The following HMCN1 variants were observed in gnomAD, a reference collection of about 807,000 sequenced individuals.
HMCN1 encodes the protein hemicentin-1.
Under a neutral mutation model 625.9 loss-of-function variants are expected in HMCN1, and 321 were observed. That is an observed-to-expected ratio of 0.51 (90% CI 0.47 to 0.56). HMCN1 has a LOEUF of 0.56. Ranked by LOEUF, HMCN1 falls within the 20% of genes least tolerant of loss-of-function variation. HMCN1 has a pLI of 0.00. For missense variants in HMCN1, 6,588 were observed against 6,887.3 expected (o/e 0.96, Z 1.54); for synonymous variants, 2,425 against 2,417.6 (o/e 1.00, Z -0.09).
chr1:185,807,098 A>G (rs78757991), intron 1 of HMCN1, among the ~76,000 whole-genome samples: 2,906 of 152,318 alleles, frequency 0.019, 92 homozygotes, highest in African/African-American at 0.067. Flanking sequence ...GTTGAAGATT[A>G]TAATATAAAA....
intron 1 of HMCN1, among the ~76,000 whole-genome samples, chr1:185,812,161 C>T (rs6657683): frequency 0.031 from 4,748 of 151,644 alleles, 226 homozygotes; most frequent in African/African-American, 0.1. Flanking sequence ...TTTTTTAGGG[C>T]AAGATATAAG....
chr1:186,015,126 G>C lies in HMCN1; in HGVS notation c.4631-33G>C, dbSNP rs202137001. The C allele has an allele frequency of 1.8e-4, 282 of 1,599,200 alleles. No homozygotes were observed. The African/African-American group carries it at 3.7e-3, about 21-fold the overall frequency. On this transcript the variant is annotated intron_variant, in intron 30 of 106. Coordinates refer to ENST00000271588, the MANE Select transcript of HMCN1 (RefSeq NM_031935.3). ...ATTTTGATGAAGATGCTGAAACTTA[G>C]ATGACTTGTTTTTGTTCTGAAATCC...
chr1:185,737,845 T>C (rs980632149), intron 1 of HMCN1, among the ~76,000 whole-genome samples: 1 of 152,180 alleles, frequency 6.6e-6, no homozygotes. Flanking sequence ...GAGCCCTGCA[T>C]TACAGTTTGG....
intron 52 of HMCN1, among the ~76,000 whole-genome samples, 166 bp downstream of exon 52, chr1:186,070,923 A>G (rs1380704984): frequency 2.0e-5 from 3 of 152,030 alleles, no homozygotes; most frequent in Non-Finnish European, 4.4e-5. Context: ...AACCCAACCA[A>G]CCTGAAGGAT....
Position 186,178,533 on chromosome 1 carries a change from G to A in HMCN1, c.16061G>A (p.Cys5354Tyr), listed in dbSNP as rs1652740725. The change falls in exon 104 of 107, where the codon TGC (cysteine) becomes TAC (tyrosine). Residue 5354 changes from cysteine (C) to tyrosine (Y), a missense_variant. Cys to Tyr is a radical substitution (Grantham distance 194, BLOSUM62 -2). Transcript: ENST00000271588. Reference sequence around the variant, plus strand: ...CATTTATTAGGGGACGGGAAATCTTGCGCTGGATTGGAGAGGCTGCCAAAT... The same window carrying A: ...CATTTATTAGGGGACGGGAAATCTTACGCTGGATTGGAGAGGCTGCCAAAT... ...GQHLLGDGKS[C>Y]AGLERLPNYG... is the part of the protein sequence containing the mutation. 1.2e-6 allele frequency: 2 copies of A among 1,613,964 alleles called. No homozygotes were observed. Among genetic ancestry groups the A allele is most frequent in the South Asian group, 1.1e-5 (1 of 91,090 alleles).
rs1192489223 is a variant in HMCN1, at chr1:186,003,830, G to C, written c.4461G>C (p.Trp1487Cys). The change falls in exon 29 of 107, where the codon TGG (tryptophan) becomes TGC (cysteine). Residue 1487 changes from tryptophan to cysteine, a missense_variant. Trp to Cys is a radical substitution (Grantham distance 215, BLOSUM62 -2). This residue lies in a region of HMCN1 where 4,628 missense variants were observed against 4,853.1 expected (regional missense o/e 0.95). Transcript: ENST00000271588. ...VKGTPFPDIH[W>C]FKDGKPLFLG... Reference sequence around the variant, plus strand: ...GCACTCCCTTTCCTGATATTCATTGGTTCAAAGATGGCAAGTGAGTATCTT... The same window carrying C: ...GCACTCCCTTTCCTGATATTCATTGCTTCAAAGATGGCAAGTGAGTATCTT... 6.2e-7 allele frequency: 1 copy of C among 1,613,144 alleles called. No homozygotes were observed. Among genetic ancestry groups the C allele is most frequent in the Non-Finnish European group, 8.5e-7 (1 of 1,179,394 alleles).
At chr1:186,004,000 A>G (rs1327228531) in intron 29 of HMCN1, among the ~76,000 whole-genome samples, 156 bp downstream of exon 29, 2 of 152,174 alleles carry the variant, frequency 1.3e-5, no homozygotes, top group African/African-American at 4.8e-5. Context: ...CTAGTCTGAA[A>G]GTCTTGTAAT....
intron 1 of HMCN1, among the ~76,000 whole-genome samples, chr1:185,810,397 A>C (rs1659437010): frequency 6.6e-6 from 1 of 152,326 alleles, no homozygotes; most frequent in Admixed American, 6.5e-5. Flanking sequence ...AATTCCACCC[A>C]ATAAAAAGAT....
In HMCN1 at chr1:185,986,441, G is replaced by A. The variant is rs965122500; in HGVS notation, c.2936-991G>A. 4.6e-5 allele frequency among the ~76,000 whole-genome samples: 7 copies of A among 152,186 alleles called. No individual in the cohort carries two copies. In the East Asian group the frequency reaches 7.7e-4, roughly 17 times the overall value. On this transcript the variant is annotated intron_variant, in intron 19 of 106. Transcript: ENST00000271588. ...GCCTGTTATAGATTGGGCTTTTATTGTCTTCTTCTCACTATGTTAGGAACT... is the reference window on the plus strand; with the variant it reads ...GCCTGTTATAGATTGGGCTTTTATTATCTTCTTCTCACTATGTTAGGAACT...
chr1:186,180,725 T>C (rs1652881756), intron 104 of HMCN1, among the ~76,000 whole-genome samples: 1 of 152,192 alleles, frequency 6.6e-6, no homozygotes, highest in Non-Finnish European at 1.5e-5. Context: ...TCTTGGAGAA[T>C]CTAAAGTAAA....
Position 186,153,865 on chromosome 1 carries a change from A to G in HMCN1, c.15134A>G (p.Tyr5045Cys). The G allele has an allele frequency of 3.1e-6, 5 of 1,614,168 alleles. No individual in the cohort carries two copies. Among genetic ancestry groups the G allele is most frequent in the Non-Finnish European group, 4.2e-6 (5 of 1,180,020 alleles). ...TACACATGGAACCACACCGTTTTCT[A>G]TGATCAGGCACAGGGAAGAATGCCT... The part of the protein sequence containing the change: ...IPYTWNHTVF[Y>C]DQAQGRMPFL... The change falls in exon 97 of 107, where the codon TAT becomes TGT. Residue 5045 changes from tyrosine (Y) to cysteine (C), a missense_variant. This residue lies in a region of HMCN1 where 1,954 missense variants were observed against 2,013.1 expected (regional missense o/e 0.97). Transcript: ENST00000271588.
intron 36 of HMCN1, among the ~76,000 whole-genome samples, chr1:186,036,887 G>A (rs116619883): frequency 0.01 from 1,586 of 151,924 alleles, 31 homozygotes; most frequent in African/African-American, 0.036. Context: ...ACCACACCCG[G>A]CCACCCATAC....
chr1:185,812,419 A>T (rs114877638), intron 1 of HMCN1, among the ~76,000 whole-genome samples: 2,484 of 152,254 alleles, frequency 0.016, 74 homozygotes, highest in African/African-American at 0.055. Context: ...TAACAAAAAA[A>T]GTGTCATATG....
At chr1:185,933,434 A>G (rs1389575364) in intron 10 of HMCN1, 115 bp from the exon 11 acceptor site, 1 of 980,786 alleles carries the variant, frequency 1.0e-6, no homozygotes, top group Admixed American at 1.9e-5. Flanking sequence ...GTTCTGTTGC[A>G]CTGCATCTTT....
intron 4 of HMCN1, among the ~76,000 whole-genome samples, chr1:185,868,009 C>T (rs1319724053): frequency 1.3e-5 from 2 of 151,858 alleles, no homozygotes; most frequent in Non-Finnish European, 2.9e-5. Flanking sequence ...GTGGAGGTTG[C>T]AGTGAGCTGA....
intron 28 of HMCN1, 74 bp downstream of exon 28, chr1:186,001,815 A>C: frequency 1.7e-6 from 2 of 1,211,176 alleles, no homozygotes; most frequent in Non-Finnish European, 2.4e-6. Context: ...ACTATATGAA[A>C]AAGTAAAGAG....
chr1:185,735,189 C>T (rs1250262065), intron 1 of HMCN1, 142 bp downstream of exon 1: 2 of 977,444 alleles, frequency 2.0e-6, no homozygotes, highest in Non-Finnish European at 3.1e-6. Flanking sequence ...CAAAGAATTA[C>T]TTGCTGGCGT....
chr1:185,734,640 C>A lies in HMCN1; in HGVS notation c.-140C>A. 1 of 811,302 alleles carries A rather than the reference C, an allele frequency of 1.2e-6. No individual in the cohort carries two copies. The highest frequency in any genetic ancestry group is 2.1e-6 in the Non-Finnish European group (1 of 485,544). 50.3% of individuals were successfully genotyped at this position (811,302 alleles called of 1,614,324 possible). A position where few individuals can be genotyped will look rare whatever the true frequency, so the allele number is the denominator to read the frequency against. On this transcript the variant is annotated 5_prime_UTR_variant, in exon 1 of 107. Coordinates refer to ENST00000271588, the MANE Select transcript of HMCN1 (RefSeq NM_031935.3). ...TTGGTGCTTGTCCCCGTCTGATTCT[C>A]AGCGCCAAACTTTTTGCTAGTTCAG... is the stretch of plus-strand genomic sequence containing the variant.
intron 19 of HMCN1, among the ~76,000 whole-genome samples, chr1:185,986,390 A>C (rs1394466403): frequency 6.6e-6 from 1 of 152,178 alleles, no homozygotes; most frequent in African/African-American, 2.4e-5. Flanking sequence ...TTCCAGTCTC[A>C]TCTTTCCAGA....
Sources: gnomAD v4.1 joint callset for allele counts (sites outside exome capture counted in the v4.1 genomes callset) on GRCh38, gnomAD v4.1.1 for gene constraint, gnomAD v4.1.1 regional missense constraint, MANE v1.5 for transcripts, NCBI Gene and HGNC (gene_info 2026-07-23, HGNC 2026-07-21) for gene names.